The following CSMD1 variants were observed in gnomAD, a reference collection of about 807,000 sequenced individuals.
CSMD1 encodes CUB and sushi domain-containing protein 1.
A neutral mutation model predicts 417.5 loss-of-function variants in CSMD1; 213 were observed. The observed-to-expected ratio is 0.51, with a 90% CI of 0.46 to 0.57. CSMD1 has a LOEUF of 0.57. Ranked by LOEUF, CSMD1 falls within the 20% of genes least tolerant of loss-of-function variation. The pLI is 0.00. For missense variants in CSMD1, 6,923 were observed against 4,529.7 expected (o/e 1.53, Z -15.17); for synonymous variants, 2,862 against 1,736.8 (o/e 1.65, Z -16.11).
At chr8:4,475,823 G>C (rs1800773400) in intron 2 of CSMD1, among the ~76,000 whole-genome samples, 1 of 152,018 alleles carries the variant, frequency 6.6e-6, no homozygotes, top group African/African-American at 2.4e-5. Context: ...ATGTTGACCA[G>C]GCTGGTCTCA....
intron 7 of CSMD1, among the ~76,000 whole-genome samples, chr8:3,652,538 G>T (rs1482832961): frequency 2.0e-5 from 3 of 152,202 alleles, no homozygotes; most frequent in Non-Finnish European, 4.4e-5. Flanking sequence ...CATGGCTGGG[G>T]AGGCCTCACA....
chr8:4,380,113 T>C (rs1039361933), intron 3 of CSMD1, among the ~76,000 whole-genome samples: 1 of 152,068 alleles, frequency 6.6e-6, no homozygotes, highest in African/African-American at 2.4e-5. Flanking sequence ...TAAAACAAAT[T>C]CCTTGTGTTG....
intron 3 of CSMD1, among the ~76,000 whole-genome samples, chr8:4,238,795 T>C (rs1269975874): frequency 6.6e-6 from 1 of 152,178 alleles, no homozygotes; most frequent in Non-Finnish European, 1.5e-5. Context: ...ACTTAGGCAG[T>C]AACTTTTGTA....
At chr8:4,349,260 A>T (rs186797373) in intron 3 of CSMD1, among the ~76,000 whole-genome samples, 24 of 152,328 alleles carry the variant, frequency 1.6e-4, no homozygotes, top group Admixed American at 7.8e-4. Context: ...GGTACAGACC[A>T]GTGGTTTTCA....
At chr8:4,791,265 T>C (rs913497460) in intron 1 of CSMD1, among the ~76,000 whole-genome samples, 2 of 152,194 alleles carry the variant, frequency 1.3e-5, no homozygotes, top group Non-Finnish European at 2.9e-5. Flanking sequence ...TTGCCTGTCA[T>C]GGACACAGAC....
intron 26 of CSMD1, among the ~76,000 whole-genome samples, chr8:3,283,666 T>C (rs1802914478): frequency 6.6e-6 from 1 of 152,104 alleles, no homozygotes; most frequent in South Asian, 2.1e-4. Context: ...TGGAAGCAGG[T>C]CATGAAACCT....
chr8:4,982,843 G>C (rs1339485849), intron 1 of CSMD1, among the ~76,000 whole-genome samples: 1 of 152,156 alleles, frequency 6.6e-6, no homozygotes, highest in Admixed American at 6.5e-5. Flanking sequence ...CCCCTTCCGT[G>C]TCTCTTGTTG....
chr8:4,471,875 G>A (rs1389337357), intron 2 of CSMD1, among the ~76,000 whole-genome samples: 1 of 152,136 alleles, frequency 6.6e-6, no homozygotes, highest in African/African-American at 2.4e-5. Flanking sequence ...ACAAAAAATG[G>A]TGTTTCCAGT....
chr8:4,589,981 A>G (rs139372381), intron 2 of CSMD1, among the ~76,000 whole-genome samples: 1 of 152,226 alleles, frequency 6.6e-6, no homozygotes, highest in Non-Finnish European at 1.5e-5. Flanking sequence ...GCAAGTGCTT[A>G]AGATACTGTC....
intron 4 of CSMD1, among the ~76,000 whole-genome samples, chr8:4,028,077 T>A (rs73658535): frequency 0.052 from 7,815 of 151,602 alleles, 583 homozygotes; most frequent in African/African-American, 0.16. Context: ...AACATAAAGA[T>A]GAAAAGTAAT....
Position 4,183,956 on chromosome 8 carries a change from G to A in CSMD1, c.416-151857C>T, listed in dbSNP as rs184148248. Among the ~76,000 whole-genome samples, 1,170 of 152,216 alleles carry A rather than the reference G, an allele frequency of 7.7e-3. 5 individuals are homozygous for A. Among genetic ancestry groups the A allele is most frequent in the Non-Finnish European group, 0.012 (813 of 68,020 alleles). On this transcript the variant is annotated intron_variant, in intron 3 of 69. Transcript: ENST00000635120. ...TGGGAAACCTATGAACTGCTCCTGA[G>A]AACACAGAAGGAAAATTCTCAGAGC...
rs965369724 is a variant in CSMD1 at position 4,267,658 on chromosome 8, G to A, written c.415+152295C>T. Among the ~76,000 whole-genome samples the A allele has an allele frequency of 5.3e-5, 8 of 151,998 alleles. 1 individual carries two copies. The highest frequency in any genetic ancestry group is 3.9e-4 in the Admixed American group (6 of 15,248). ...TTAAATACATATCTTTGCATACTTC[G>A]TGTTTAGGCTTTGGCTTCACTCCCT... On this transcript the variant is annotated intron_variant, in intron 3 of 69. Coordinates refer to ENST00000635120, the MANE Select transcript of CSMD1 (RefSeq NM_033225.6).
intron 3 of CSMD1, among the ~76,000 whole-genome samples, chr8:4,368,124 C>G (rs1802193613): frequency 6.6e-6 from 1 of 152,078 alleles, no homozygotes. Context: ...TTTTCTCATT[C>G]AGTATGGTGT....
chr8:4,531,326 T>C (rs572150090), intron 2 of CSMD1, among the ~76,000 whole-genome samples: 3 of 152,336 alleles, frequency 2.0e-5, no homozygotes, highest in Admixed American at 2.0e-4. Flanking sequence ...TTCAGGTCAT[T>C]TAATCATAAG....
At chr8:3,886,667 T>C (rs1806584768) in intron 5 of CSMD1, among the ~76,000 whole-genome samples, 2 of 152,176 alleles carry the variant, frequency 1.3e-5, no homozygotes, top group Non-Finnish European at 2.9e-5. Flanking sequence ...CAACAGCTAC[T>C]GATGATTCAA....
chr8:3,421,747 C>G (rs1287181043), intron 12 of CSMD1, among the ~76,000 whole-genome samples: 1 of 152,190 alleles, frequency 6.6e-6, no homozygotes, highest in Non-Finnish European at 1.5e-5. Flanking sequence ...AAGCAATTGT[C>G]CTGTCTCAGC....
intron 10 of CSMD1, among the ~76,000 whole-genome samples, chr8:3,531,107 C>A (rs749140317): frequency 1.3e-5 from 2 of 151,510 alleles, no homozygotes; most frequent in Admixed American, 6.6e-5. Context: ...GTGACCTGCC[C>A]ACCTAGGCCT....
chr8:3,032,331 G>T (rs1467580742), intron 50 of CSMD1, among the ~76,000 whole-genome samples: 1 of 151,912 alleles, frequency 6.6e-6, no homozygotes, highest in Non-Finnish European at 1.5e-5. Flanking sequence ...AAACCAAGAG[G>T]ATGCCAGACC....
chr8:3,818,177 A>G (rs529866109), intron 5 of CSMD1, among the ~76,000 whole-genome samples: 1 of 151,966 alleles, frequency 6.6e-6, no homozygotes, highest in Non-Finnish European at 1.5e-5. Flanking sequence ...TAGGATGCCA[A>G]CTGCACACTC....
Sources: gnomAD v4.1 joint callset for allele counts (sites outside exome capture counted in the v4.1 genomes callset) on GRCh38, gnomAD v4.1.1 for gene constraint, MANE v1.5 for transcripts, NCBI Gene and HGNC (gene_info 2026-07-23, HGNC 2026-07-21) for gene names.